The following CLPTM1 variants were observed in gnomAD, a reference collection of about 807,000 sequenced individuals.
CLPTM1 encodes putative lipid scramblase CLPTM1.
CLPTM1 carries 21 observed loss-of-function variants against 77.3 expected under a neutral mutation model. The ratio of observed to expected loss-of-function variants is 0.27; its 90% CI spans 0.19 to 0.39. CLPTM1 has a LOEUF of 0.39. Ranked by LOEUF, CLPTM1 falls within the 10% of genes least tolerant of loss-of-function variation. The pLI is 1.00. For missense variants in CLPTM1, 642 were observed against 921.2 expected, an observed-to-expected ratio of 0.70 and a Z score of 3.92; for synonymous variants, 373 against 381.0, an observed-to-expected ratio of 0.98 and a Z score of 0.24.
chr19:44,968,941 G>A (rs1190894255), intron 2 of CLPTM1, among the ~76,000 whole-genome samples: 3 of 152,142 alleles, frequency 2.0e-5, no homozygotes, highest in African/African-American at 7.2e-5. Context: ...TAAGACCCTG[G>A]ACCCCAGGGC....
Position 44,992,459 on chromosome 19 carries a change from A to G in CLPTM1, c.1723+59A>G. On this transcript the variant is annotated intron_variant, in intron 13 of 13. Coordinates refer to ENST00000337392, the MANE Select transcript of CLPTM1 (RefSeq NM_001294.4). The surrounding 1 kb of genome is among the most constrained non-coding windows in gnomAD (Gnocchi z 7.7). ...GGAACAGGGCCCTGAGGCAGTCTTT[A>G]GGGCCCAGGCCTGAGGGGGTGCCAC... 2.5e-6 allele frequency: 4 copies of G among 1,607,890 alleles called. No individual in the cohort carries two copies. Among genetic ancestry groups the G allele is most frequent in the Non-Finnish European group, 3.4e-6 (4 of 1,175,724 alleles).
chr19:44,957,621 G>A lies in CLPTM1; in HGVS notation c.72+2154G>A, dbSNP rs527476327. Among the ~76,000 whole-genome samples the A allele has an allele frequency of 6.6e-5, 10 of 152,362 alleles. No homozygotes were observed. The South Asian group carries it at 1.2e-3, about 19-fold the overall frequency. ...GGACCCTTTAGCAGATGTTGCTGGG[G>A]ATTGTGTGTGTGCGTGGACGTGCAG... On this transcript the variant is annotated intron_variant, in intron 1 of 13. Transcript: ENST00000337392.
chr19:44,963,767 T>C (rs535160022), intron 2 of CLPTM1, among the ~76,000 whole-genome samples: 2 of 152,174 alleles, frequency 1.3e-5, no homozygotes, highest in East Asian at 3.9e-4. Flanking sequence ...TTAAGGTATG[T>C]GCCACCATGC....
intron 4 of CLPTM1, among the ~76,000 whole-genome samples, chr19:44,976,549 T>C (rs1355655850): frequency 6.6e-6 from 1 of 152,186 alleles, no homozygotes; most frequent in Non-Finnish European, 1.5e-5. Context: ...GAATTCGAGC[T>C]CTGCACAAGG....
chr19:44,962,045 C>T lies in CLPTM1; in HGVS notation c.155C>T (p.Ala52Val), dbSNP rs1237961025. The part of the protein sequence containing the change: ...QNPPAQPAPN[A>V]WQVIKGVLFR... ...CCACCGGCCCAGCCGGCACCCAATG[C>T]CTGGCAGGTCATCAAAGGTGTGCTG... The change falls in exon 2 of 14, where the codon GCC (alanine) becomes GTC (valine). Residue 52 changes from alanine to valine, a missense_variant. This residue lies in a region of CLPTM1 where 121 missense variants were observed against 120.8 expected (regional missense o/e 1.00). Coordinates refer to ENST00000337392, the MANE Select transcript of CLPTM1 (RefSeq NM_001294.4). 18 of 1,610,952 alleles carry T rather than the reference C, an allele frequency of 1.1e-5. No homozygotes were observed. Among genetic ancestry groups the T allele is most frequent in the Admixed American group, 1.7e-5 (1 of 59,132 alleles).
In CLPTM1 at chr19:44,972,544, C is replaced by T. The variant is rs559772501; in HGVS notation, c.186-543C>T. Among the ~76,000 whole-genome samples, 9 of 152,318 alleles carry T rather than the reference C, an allele frequency of 5.9e-5. No homozygotes were observed. In the South Asian group the frequency reaches 1.2e-3, roughly 21 times the overall value. ...GATTACAGGCATGAGCCGCCGCGCCCGTCCTCGTTCATTCTATTTTTTGTA... is the reference window on the plus strand; with the variant it reads ...GATTACAGGCATGAGCCGCCGCGCCTGTCCTCGTTCATTCTATTTTTTGTA... On this transcript the variant is annotated intron_variant, in intron 2 of 13. Transcript: ENST00000337392.
At chr19:44,962,561 GCTC>G (rs1446836961) in intron 2 of CLPTM1, among the ~76,000 whole-genome samples, 3 of 152,014 alleles carry the variant, frequency 2.0e-5, no homozygotes, top group Non-Finnish European at 4.4e-5. Flanking sequence ...TGTGTCCTAA[GCTC>G]CTCTTATGGG....
rs1970994310 is a variant in CLPTM1 at position 44,987,284 on chromosome 19, G to A, written c.899G>A (p.Ser300Asn). ...TACCCCATCAACGAGAGCCTGGCCAGCCTGCCGCTCCGCGTCTCCTTCTGC... is the reference window on the plus strand; with the variant it reads ...TACCCCATCAACGAGAGCCTGGCCAACCTGCCGCTCCGCGTCTCCTTCTGC... ...DYYPINESLASLPLRVSFCPL... is the reference protein window; with the variant it reads ...DYYPINESLANLPLRVSFCPL... The change falls in exon 8 of 14, where the codon AGC becomes AAC. Residue 300 changes from serine (S) to asparagine (N), a missense_variant. Physicochemically the swap from Ser to Asn is conservative, Grantham distance 46. This residue lies in a region of CLPTM1 where 521 missense variants were observed against 800.4 expected (regional missense o/e 0.65). Transcript: ENST00000337392. The A allele has an allele frequency of 1.2e-6, 2 of 1,614,268 alleles. No individual in the cohort carries two copies. Among genetic ancestry groups the A allele is most frequent in the Non-Finnish European group, 1.7e-6 (2 of 1,180,044 alleles).
chr19:44,992,051 G>A lies in CLPTM1; in HGVS notation c.1556-182G>A, dbSNP rs1971084431. 6.6e-6 allele frequency among the ~76,000 whole-genome samples: 1 copy of A among 152,150 alleles called. No homozygotes were observed. The highest frequency in any genetic ancestry group is 1.5e-5 in the Non-Finnish European group (1 of 68,006). On this transcript the variant is annotated intron_variant, in intron 12 of 13. Coordinates refer to ENST00000337392, the MANE Select transcript of CLPTM1 (RefSeq NM_001294.4). This position sits in a 1 kb window ranked among gnomAD's most constrained non-coding sequence, Gnocchi z 7.7. ...GCCTCAGATATCCAGGGAGAGAGCT[G>A]TGCGGATGTGACAGAAGGCCCCACC... is the stretch of plus-strand genomic sequence containing the variant.
Position 44,990,856 on chromosome 19 carries a change from C to A in CLPTM1, c.1330C>A (p.Arg444=). The A allele has an allele frequency of 1.2e-6, 2 of 1,613,512 alleles. No homozygotes were observed. The highest frequency in any genetic ancestry group is 1.3e-5 in the African/African-American group (1 of 74,956). The change falls in exon 11 of 14, where the codon CGA becomes AGA. Residue 444 remains arginine (R), a synonymous_variant. Transcript: ENST00000337392. This position sits in a 1 kb window ranked among gnomAD's most constrained non-coding sequence, Gnocchi z 4.8. ...ITKVMDVRLD[R]EHRVAGIFPR... ...GCACCCACCTCATCCACAGCTGGAC[C>A]GAGAGCACAGGGTGGCAGGAATCTT... is the stretch of plus-strand genomic sequence containing the variant.
chr19:44,984,346 C>G (rs938155900), intron 5 of CLPTM1: 2 of 152,344 alleles, frequency 1.3e-5, no homozygotes, highest in African/African-American at 2.4e-5. Flanking sequence ...AGGTAAACCA[C>G]TGGCTAAGTG....
intron 2 of CLPTM1, among the ~76,000 whole-genome samples, chr19:44,962,503 G>A (rs1970559953): frequency 6.6e-6 from 1 of 152,104 alleles, no homozygotes; most frequent in African/African-American, 2.4e-5. Context: ...GCTTGCAGAA[G>A]GCCGTCTTCT....
In CLPTM1 at chr19:44,990,602, A is replaced by G; in HGVS notation, c.1323+17A>G. On this transcript the variant is annotated intron_variant, in intron 10 of 13. Coordinates refer to ENST00000337392, the MANE Select transcript of CLPTM1 (RefSeq NM_001294.4). The surrounding 1 kb of genome is among the most constrained non-coding windows in gnomAD (Gnocchi z 4.8). ...GACGTCCGGGTAAGGCTGGGGCGCCATGCTGTCTCGGGAGCTGCAGGGGTT... is the reference window on the plus strand; with the variant it reads ...GACGTCCGGGTAAGGCTGGGGCGCCGTGCTGTCTCGGGAGCTGCAGGGGTT... 1.2e-6 allele frequency: 2 copies of G among 1,610,810 alleles called. No individual in the cohort carries two copies. The highest frequency in any genetic ancestry group is 1.7e-6 in the Non-Finnish European group (2 of 1,177,830).
chr19:44,961,329 A>T (rs1257866429), intron 1 of CLPTM1, among the ~76,000 whole-genome samples: 1 of 152,122 alleles, frequency 6.6e-6, no homozygotes, highest in Admixed American at 6.5e-5. Context: ...TTGGCCACAG[A>T]GGGGGCCTCA....
intron 1 of CLPTM1, among the ~76,000 whole-genome samples, chr19:44,956,169 G>A (rs1970461285): frequency 6.6e-6 from 1 of 152,164 alleles, no homozygotes; most frequent in East Asian, 1.9e-4. Flanking sequence ...GGGAATAGAT[G>A]GAGAGACATG....
At chr19:44,982,499 CTT>C in intron 5 of CLPTM1, among the ~76,000 whole-genome samples, 2 of 152,190 alleles carry the variant, frequency 1.3e-5, no homozygotes, top group Admixed American at 6.5e-5. Context: ...GAAAGGGGGG[CTT>C]TTTCCTCCCC....
At chr19:44,979,823 GT>G (rs777768535) in intron 5 of CLPTM1, among the ~76,000 whole-genome samples, 2 of 152,152 alleles carry the variant, frequency 1.3e-5, no homozygotes, top group African/African-American at 2.4e-5. Flanking sequence ...TCTCACAGAT[GT>G]TTCCCTGCAG....
intron 5 of CLPTM1, among the ~76,000 whole-genome samples, chr19:44,983,895 G>A (rs1343104082): frequency 1.3e-5 from 2 of 152,170 alleles, no homozygotes; most frequent in Non-Finnish European, 2.9e-5. Flanking sequence ...CCAGGAGGCG[G>A]AGGTTGCAGT....
chr19:44,957,551 CT>C (rs1371797358), intron 1 of CLPTM1, among the ~76,000 whole-genome samples: 30 of 152,268 alleles, frequency 2.0e-4, no homozygotes, highest in African/African-American at 6.0e-4. Flanking sequence ...CAAAACCTAG[CT>C]TCCTCCTGCT....
Sources: gnomAD v4.1 joint callset for allele counts (sites outside exome capture counted in the v4.1 genomes callset) on GRCh38, gnomAD v4.1.1 for gene constraint, gnomAD v4.1.1 regional missense constraint, Gnocchi (gnomAD v3.1) non-coding constraint, MANE v1.5 for transcripts, NCBI Gene and HGNC (gene_info 2026-07-23, HGNC 2026-07-21) for gene names.